Variants in CASR observed in about 807,000 individuals in gnomAD.
The protein encoded by CASR is extracellular calcium-sensing receptor.
A neutral mutation model predicts 69.1 loss-of-function variants in CASR; 23 were observed. The observed-to-expected ratio is 0.33, with a 90% CI of 0.24 to 0.47. The LOEUF (loss-of-function observed/expected upper bound fraction) is 0.47, where lower values mean the gene tolerates loss of function less well. Among genes scored for constraint, CASR ranks in the 20% least tolerant of loss-of-function variants. The pLI is 1.00. For synonymous variants in CASR, 541 were observed against 544.7 expected (o/e 0.99, Z 0.10); for missense variants, 924 against 1,356.1 (o/e 0.68, Z 5.00).
chr3:122,223,247 G>A (rs549233162), intron 1 of CASR, among the ~76,000 whole-genome samples: 32 of 151,910 alleles, frequency 2.1e-4, no homozygotes, highest in East Asian at 1.9e-3. Flanking sequence ...ATTGAGATGC[G>A]AAAATCCAGA....
At position 122,290,835 on chromosome 3, in the gene CASR, C is replaced by T. The variant is rs2075006727; in HGVS notation, c.*5644C>T. The T allele has an allele frequency of 1.3e-5, 2 of 150,286 alleles. No homozygotes were observed. Among genetic ancestry groups the T allele is most frequent in the South Asian group, 2.1e-4 (1 of 4,710 alleles). The allele number at this position is 150,286 out of a possible 1,614,324, so 9.3% of individuals were successfully genotyped here. A position where few individuals can be genotyped will look rare whatever the true frequency, so the allele number is the denominator to read the frequency against. The stretch of plus-strand genomic sequence containing the variant: ...TGTTGGTGTGCTGTACCCATTAACT[C>T]GTCATTTACCATTAGGTATATCTCC... On this transcript the variant is annotated 3_prime_UTR_variant, in exon 7 of 7. Coordinates refer to ENST00000639785, the MANE Select transcript of CASR (RefSeq NM_000388.4).
intron 1 of CASR, among the ~76,000 whole-genome samples, chr3:122,244,220 G>A (rs949238476): frequency 6.6e-6 from 1 of 151,910 alleles, no homozygotes; most frequent in Non-Finnish European, 1.5e-5. Context: ...ATGCTTGAGG[G>A]GATGGATACC....
At chr3:122,273,520 C>A (rs1483844283) in intron 4 of CASR, among the ~76,000 whole-genome samples, 2 of 152,136 alleles carry the variant, frequency 1.3e-5, no homozygotes, top group African/African-American at 4.8e-5. Context: ...CACACACAGA[C>A]CTGGCATGGC....
intron 5 of CASR, among the ~76,000 whole-genome samples, chr3:122,281,245 G>A (rs904097434): frequency 1.3e-5 from 2 of 152,178 alleles, no homozygotes; most frequent in African/African-American, 4.8e-5. Context: ...GTAGTCTATG[G>A]CATTTTAGCC....
chr3:122,204,759 A>C (rs1183623388), intron 1 of CASR, among the ~76,000 whole-genome samples: 1 of 152,078 alleles, frequency 6.6e-6, no homozygotes, highest in East Asian at 1.9e-4. Flanking sequence ...CTTTTTTATA[A>C]AAACCGATTT....
chr3:122,262,544 C>A, intron 4 of CASR, 132 bp downstream of exon 4: 1 of 769,778 alleles, frequency 1.3e-6, no homozygotes. Flanking sequence ...GCTTTGGATT[C>A]AAAGTACCTT....
At chr3:122,249,478 C>A (rs941359211) in intron 1 of CASR, among the ~76,000 whole-genome samples, 1 of 152,184 alleles carries the variant, frequency 6.6e-6, no homozygotes, top group Non-Finnish European at 1.5e-5. Context: ...AATCATTGCA[C>A]GAATTTATAA....
At chr3:122,261,452 A>C in intron 3 of CASR, 76 bp from the exon 4 acceptor site, 1 of 1,390,214 alleles carries the variant, frequency 7.2e-7, no homozygotes, top group East Asian at 2.3e-5. Context: ...AGCCACCTCC[A>C]CAACAGCCTG....
At chr3:122,271,737 A>G (rs150277552) in intron 4 of CASR, among the ~76,000 whole-genome samples, 31 of 152,300 alleles carry the variant, frequency 2.0e-4, no homozygotes, top group African/African-American at 7.2e-4. Context: ...GCAACCTCAT[A>G]TCCTCTAACT....
At chr3:122,236,547 TA>T (rs1027385842) in intron 1 of CASR, among the ~76,000 whole-genome samples, 3 of 152,038 alleles carry the variant, frequency 2.0e-5, no homozygotes, top group Non-Finnish European at 4.4e-5. Context: ...ATTTGGGGAT[TA>T]AAAAAACAGA....
At position 122,290,080 on chromosome 3, in the gene CASR, C is replaced by CA. The variant is rs10532267; in HGVS notation, c.*4904dup. ...CCTGGGTGACAGAGCAAGACCCTGC[C>CA]AAAAAAAAAAAAAAAGAAGAAGAAA... On this transcript the variant is annotated 3_prime_UTR_variant, in exon 7 of 7. Coordinates refer to ENST00000639785, the MANE Select transcript of CASR (RefSeq NM_000388.4). 460 of 56,920 alleles carry CA rather than the reference C, an allele frequency of 8.1e-3. 1 individual carries two copies. Among genetic ancestry groups the CA allele is most frequent in the Middle Eastern group, 0.013 (1 of 78 alleles). 3.5% of individuals were successfully genotyped at this position (56,920 alleles called of 1,614,324 possible). A position where few individuals can be genotyped will look rare whatever the true frequency, so the allele number is the denominator to read the frequency against.
chr3:122,228,718 C>A (rs372949665), intron 1 of CASR, among the ~76,000 whole-genome samples: 2 of 152,158 alleles, frequency 1.3e-5, no homozygotes, highest in Non-Finnish European at 2.9e-5. Context: ...AGTACAACAA[C>A]CCTGTGAGGT....
Position 122,284,996 on chromosome 3 carries a change from C to T in CASR, c.3042C>T (p.Leu1014=), listed in dbSNP as rs1576879144. ...SDTLTRHEPL[L]PLQCGETDLD... ...CGCTGACCCGACACGAGCCATTACT[C>T]CCGCTGCAGTGCGGGGAAACGGACT... is the stretch of plus-strand genomic sequence containing the variant. Residue 1014 remains leucine, a synonymous_variant, in exon 7 of 7, where the codon CTC becomes CTT. Coordinates refer to ENST00000639785, the MANE Select transcript of CASR (RefSeq NM_000388.4). The T allele has an allele frequency of 6.2e-7, 1 of 1,614,202 alleles. No homozygotes were observed. Among genetic ancestry groups the T allele is most frequent in the South Asian group, 1.1e-5 (1 of 91,080 alleles).
Position 122,284,034 on chromosome 3 carries a change from T to G in CASR, c.2080T>G (p.Cys694Gly). 6.2e-7 allele frequency: 1 copy of G among 1,614,176 alleles called. No homozygotes were observed. The highest frequency in any genetic ancestry group is 2.2e-5 in the East Asian group (1 of 44,878). Residue 694 changes from cysteine (C) to glycine (G), a missense_variant, in exon 7 of 7, where the codon TGC becomes GGC. By Grantham distance (159) the Cys-to-Gly change is radical. Coordinates refer to ENST00000639785, the MANE Select transcript of CASR (RefSeq NM_000388.4). ...FGISFVLCIS[C>G]ILVKTNRVLL... ...CATCAGCTTCGTGCTCTGCATCTCATGCATCCTGGTGAAAACCAACCGTGT... is the reference window on the plus strand; with the variant it reads ...CATCAGCTTCGTGCTCTGCATCTCAGGCATCCTGGTGAAAACCAACCGTGT...
intron 2 of CASR, among the ~76,000 whole-genome samples, chr3:122,256,191 T>C (rs2074552540): frequency 6.6e-6 from 1 of 152,228 alleles, no homozygotes; most frequent in South Asian, 2.1e-4. Context: ...TGTCTGTGTA[T>C]GGCCTTCATA....
intron 1 of CASR, among the ~76,000 whole-genome samples, chr3:122,219,634 G>C (rs1374171725): frequency 6.6e-6 from 1 of 152,206 alleles, no homozygotes; most frequent in Non-Finnish European, 1.5e-5. Flanking sequence ...TCAGAACCTG[G>C]GTGAGGGTAG....
intron 1 of CASR, among the ~76,000 whole-genome samples, chr3:122,228,610 G>T (rs2074249791): frequency 6.6e-6 from 1 of 152,234 alleles, no homozygotes; most frequent in South Asian, 2.1e-4. Flanking sequence ...AAGAGAAGGG[G>T]CTGAAGGACT....
intron 1 of CASR, among the ~76,000 whole-genome samples, chr3:122,227,747 G>A (rs1203358359): frequency 6.6e-6 from 1 of 152,098 alleles, no homozygotes; most frequent in East Asian, 1.9e-4. Flanking sequence ...CTCAGTAGGA[G>A]CACTGGGGTT....
intron 1 of CASR, among the ~76,000 whole-genome samples, chr3:122,204,016 A>G (rs4678045): frequency 0.69 from 104,674 of 151,970 alleles, 37,745 homozygotes; most frequent in African/African-American, 0.81. Flanking sequence ...TGATAATTTA[A>G]TACATTCATG....
Sources: gnomAD v4.1 joint callset for allele counts (sites outside exome capture counted in the v4.1 genomes callset) on GRCh38, gnomAD v4.1.1 for gene constraint, MANE v1.5 for transcripts, NCBI Gene and HGNC (gene_info 2026-07-23, HGNC 2026-07-21) for gene names.